ADAD1: variants seen among roughly 807,000 people sequenced by gnomAD.
ADAD1 encodes the protein adenosine deaminase domain containing 1.
In ADAD1, 46 loss-of-function variants were observed where a neutral mutation model predicts 66.8. The ratio of observed to expected loss-of-function variants is 0.69; its 90% confidence interval spans 0.54 to 0.88. The LOEUF is 0.88. ADAD1 is among the 40% of genes least tolerant of loss of function. ADAD1 has a pLI of 0.00. For synonymous variants in ADAD1, 248 were observed against 229.4 expected (o/e 1.08, Z -0.73); for missense variants, 617 against 681.8 (o/e 0.91, Z 1.06).
chr4:122,397,831 T>A (rs1395835030), intron 7 of ADAD1, among the ~76,000 whole-genome samples: 1 of 152,170 alleles, frequency 6.6e-6, no homozygotes, highest in East Asian at 1.9e-4. Context: ...AGTGTGAAGC[T>A]GATTGAAGAA....
At chr4:122,424,393 CTG>C (rs1797139400) in intron 12 of ADAD1, among the ~76,000 whole-genome samples, 2 of 152,168 alleles carry the variant, frequency 1.3e-5, no homozygotes, top group South Asian at 2.1e-4. Flanking sequence ...TAAAACAACA[CTG>C]TGTTGTTGAG....
intron 5 of ADAD1, among the ~76,000 whole-genome samples, chr4:122,388,357 A>G (rs1315564545): frequency 1.2e-4 from 18 of 152,116 alleles, no homozygotes; most frequent in Admixed American, 8.5e-4. Context: ...TCCTGGTTTT[A>G]GTATCAGGAT....
At chr4:122,396,537 A>T (rs1795725768) in intron 7 of ADAD1, among the ~76,000 whole-genome samples, 160 bp downstream of exon 7, 1 of 152,208 alleles carries the variant, frequency 6.6e-6, no homozygotes, top group African/African-American at 2.4e-5. Context: ...CAAGGTAGAG[A>T]TAAAGCACAC....
intron 11 of ADAD1, among the ~76,000 whole-genome samples, chr4:122,419,148 A>G (rs542122901): frequency 1.3e-5 from 2 of 152,346 alleles, no homozygotes; most frequent in Admixed American, 1.3e-4. Context: ...TCAATGATGG[A>G]CTGGATAAAG....
chr4:122,429,534 T>A (rs975351447), intron 12 of ADAD1, 92 bp from the exon 13 acceptor site: 3 of 698,344 alleles, frequency 4.3e-6, no homozygotes, highest in African/African-American at 1.8e-5. Flanking sequence ...TTAACTTTTT[T>A]AAATTTCAAG....
intron 7 of ADAD1, among the ~76,000 whole-genome samples, chr4:122,401,873 G>A (rs1453405017): frequency 6.6e-6 from 1 of 151,950 alleles, no homozygotes; most frequent in African/African-American, 2.4e-5. Context: ...TTTACCTTAT[G>A]TGAGTCCTTA....
chr4:122,415,925 A>G (rs570071852), intron 11 of ADAD1, among the ~76,000 whole-genome samples: 1 of 152,254 alleles, frequency 6.6e-6, no homozygotes, highest in Admixed American at 6.5e-5. Flanking sequence ...TCCAACTGTA[A>G]TTTCATATCA....
intron 12 of ADAD1, among the ~76,000 whole-genome samples, chr4:122,426,227 T>G (rs1797229563): frequency 6.6e-6 from 1 of 152,134 alleles, no homozygotes; most frequent in South Asian, 2.1e-4. Flanking sequence ...GAACAACTGT[T>G]TGTCAGCAGA....
chr4:122,417,334 C>CT (rs1039850986), intron 11 of ADAD1, among the ~76,000 whole-genome samples: 23 of 116,224 alleles, frequency 2.0e-4, no homozygotes, highest in African/African-American at 7.6e-4. Flanking sequence ...GAGCCTCCAT[C>CT]TTTAAAAAAA....
chr4:122,407,119 A>G (rs1796249104), intron 7 of ADAD1, among the ~76,000 whole-genome samples: 1 of 152,200 alleles, frequency 6.6e-6, no homozygotes, highest in Non-Finnish European at 1.5e-5. Context: ...CATTTGCACC[A>G]GCCTAATAGT....
intron 5 of ADAD1, among the ~76,000 whole-genome samples, chr4:122,387,202 C>G (rs932844351): frequency 6.6e-6 from 1 of 152,110 alleles, no homozygotes; most frequent in African/African-American, 2.4e-5. Flanking sequence ...TTTGTGTCCT[C>G]TGTTATTTCC....
At chr4:122,387,187 A>G (rs141863448) in intron 5 of ADAD1, among the ~76,000 whole-genome samples, 4,031 of 152,170 alleles carry the variant, frequency 0.026, 81 homozygotes, top group Middle Eastern at 0.14. Context: ...ATGTTTTTCC[A>G]TTTGTTTGTG....
At chr4:122,416,566 T>C (rs80245968) in intron 11 of ADAD1, among the ~76,000 whole-genome samples, 3 of 151,946 alleles carry the variant, frequency 2.0e-5, no homozygotes, top group African/African-American at 7.3e-5. Flanking sequence ...CAGTCTTTTT[T>C]ATAAAAAATA....
At chr4:122,401,101 G>A (rs1795955219) in intron 7 of ADAD1, among the ~76,000 whole-genome samples, 1 of 151,872 alleles carries the variant, frequency 6.6e-6, no homozygotes, top group African/African-American at 2.4e-5. Flanking sequence ...AGATTAGTCT[G>A]TTTGTGCCCT....
At chr4:122,383,987 A>G in intron 5 of ADAD1, 21 bp downstream of exon 5, 1 of 1,563,308 alleles carries the variant, frequency 6.4e-7, no homozygotes, top group Non-Finnish European at 8.7e-7. Context: ...TTGATTATAA[A>G]GTATTTATAA....
chr4:122,420,769 T>G (rs2150599634), intron 11 of ADAD1, among the ~76,000 whole-genome samples: 1 of 152,320 alleles, frequency 6.6e-6, no homozygotes, highest in African/African-American at 2.4e-5. Flanking sequence ...GCACATAATA[T>G]ACACATACAG....
Position 122,413,050 on chromosome 4 carries a change from G to A in ADAD1, c.1249+241G>A, listed in dbSNP as rs75228250. Among the ~76,000 whole-genome samples, 1,141 of 152,166 alleles carry A rather than the reference G, an allele frequency of 7.5e-3. 11 individuals are homozygous for A. The highest frequency in any genetic ancestry group is 0.029 in the South Asian group (140 of 4,828). ...AAAGATGCCATAAGTTGTAGTGACC[G>A]TCCAGCTGGATAAGGAAATTCCAGA... is the stretch of plus-strand genomic sequence containing the variant. On this transcript the variant is annotated intron_variant, in intron 10 of 12. Coordinates refer to ENST00000296513, the MANE Select transcript of ADAD1 (RefSeq NM_139243.4).
At chr4:122,400,218 G>A (rs913459642) in intron 7 of ADAD1, among the ~76,000 whole-genome samples, 3 of 152,042 alleles carry the variant, frequency 2.0e-5, no homozygotes, top group African/African-American at 4.8e-5. Flanking sequence ...ATCTTAAAGC[G>A]ATGCTGGATT....
chr4:122,394,887 G>C (rs561309298), intron 6 of ADAD1, among the ~76,000 whole-genome samples: 1 of 152,258 alleles, frequency 6.6e-6, no homozygotes, highest in Admixed American at 6.5e-5. Context: ...AGACATATCT[G>C]TCATAAAAGG....
Sources: gnomAD v4.1 joint callset for allele counts (sites outside exome capture counted in the v4.1 genomes callset) on GRCh38, gnomAD v4.1.1 for gene constraint, MANE v1.5 for transcripts, NCBI Gene and HGNC (gene_info 2026-07-23, HGNC 2026-07-21) for gene names.